Variants in RIMS2 observed in about 807,000 individuals in gnomAD.
RIMS2 encodes regulating synaptic membrane exocytosis 2.
Under a neutral mutation model 174.4 loss-of-function variants are expected in RIMS2, and 59 were observed. That is an observed-to-expected ratio of 0.34 (90% CI 0.27 to 0.42). RIMS2 has a LOEUF of 0.42. RIMS2 is among the 10% of genes least tolerant of loss of function. The probability of loss-of-function intolerance (pLI) is 1.00; values close to 1 mark genes in which losing one functional copy is unlikely to be tolerated. For missense variants in RIMS2, 1,620 were observed against 1,666.3 expected (o/e 0.97, Z 0.48); for synonymous variants, 606 against 572.5 (o/e 1.06, Z -0.84).
chr8:104,017,345 C>G (rs944486058), intron 19 of RIMS2, among the ~76,000 whole-genome samples: 2 of 151,634 alleles, frequency 1.3e-5, no homozygotes, highest in African/African-American at 4.8e-5. Flanking sequence ...AAATCCTTTT[C>G]AACAGCCAAA....
intron 2 of RIMS2, among the ~76,000 whole-genome samples, chr8:103,745,654 A>C (rs1030493683): frequency 2.0e-5 from 3 of 152,190 alleles, no homozygotes; most frequent in Admixed American, 2.0e-4. Flanking sequence ...AAAAAATGAC[A>C]TATATTTCAG....
rs147875066 is a variant in RIMS2 at position 103,556,323 on chromosome 8, T to C, written c.176+55261T>C. On this transcript the variant is annotated intron_variant, in intron 1 of 23. Transcript: ENST00000504942. ...TATACAATTTATACTACTTGTCAATTAAAAAATGAAGATAAAAAATTCCTG... is the reference window on the plus strand; with the variant it reads ...TATACAATTTATACTACTTGTCAATCAAAAAATGAAGATAAAAAATTCCTG... Among the ~76,000 whole-genome samples the C allele has an allele frequency of 2.3e-3, 354 of 152,242 alleles. 2 individuals carry two copies. The highest frequency in any genetic ancestry group is 8.1e-3 in the African/African-American group (336 of 41,552).
chr8:104,252,744 AATAAGT>A (rs1392593557), downstream of RIMS2: 1 of 152,210 alleles, frequency 6.6e-6, no homozygotes, highest in Non-Finnish European at 1.5e-5. Context: ...TTATGTGACA[AATAAGT>A]ATAATATATT....
At chr8:103,621,291 G>A (rs2095628694) in intron 1 of RIMS2, among the ~76,000 whole-genome samples, 1 of 152,190 alleles carries the variant, frequency 6.6e-6, no homozygotes, top group Non-Finnish European at 1.5e-5. Flanking sequence ...AACCTGACGT[G>A]CCCACCCTAC....
intron 15 of RIMS2, among the ~76,000 whole-genome samples, chr8:103,972,540 T>C (rs1178091474): frequency 6.6e-6 from 1 of 152,176 alleles, no homozygotes; most frequent in African/African-American, 2.4e-5. Flanking sequence ...TTGCAATAAT[T>C]TACAAGCGTC....
At chr8:103,703,459 A>G (rs1356544014) in intron 2 of RIMS2, among the ~76,000 whole-genome samples, 1 of 152,066 alleles carries the variant, frequency 6.6e-6, no homozygotes, top group East Asian at 1.9e-4. Flanking sequence ...GCTGGTCTCG[A>G]ACTCCTGACC....
intron 19 of RIMS2, among the ~76,000 whole-genome samples, chr8:104,190,138 CA>C (rs553057062): frequency 2.0e-5 from 3 of 151,908 alleles, no homozygotes; most frequent in Admixed American, 1.3e-4. Flanking sequence ...CTTCTCTCTA[CA>C]AAAAATTAGA....
At chr8:104,069,112 T>C (rs2097153555) in intron 19 of RIMS2, among the ~76,000 whole-genome samples, 1 of 152,216 alleles carries the variant, frequency 6.6e-6, no homozygotes, top group Non-Finnish European at 1.5e-5. Flanking sequence ...CATTCTGTTT[T>C]TCACTTTCAG....
At chr8:104,201,185 T>A (rs1017871675) in intron 19 of RIMS2, among the ~76,000 whole-genome samples, 1 of 152,238 alleles carries the variant, frequency 6.6e-6, no homozygotes, top group East Asian at 1.9e-4. Flanking sequence ...TTTGTGTCTA[T>A]GTGTACTCAA....
intron 1 of RIMS2, among the ~76,000 whole-genome samples, chr8:103,646,313 GT>G (rs147054177): frequency 1.7e-4 from 25 of 151,458 alleles, no homozygotes; most frequent in African/African-American, 6.1e-4. Context: ...TGAGGTAGAA[GT>G]TTTTTTTTAG....
chr8:103,652,068 T>C, intron 1 of RIMS2, 137 bp from the exon 2 acceptor site: 1 of 252,012 alleles, frequency 4.0e-6, no homozygotes, highest in South Asian at 4.8e-5. Flanking sequence ...AAATGTATAA[T>C]TTCAATATAT....
At chr8:103,975,576 A>G (rs561039641) in intron 16 of RIMS2, 70 bp downstream of exon 18, 1 of 1,071,498 alleles carries the variant, frequency 9.3e-7, no homozygotes, top group Non-Finnish European at 1.4e-6. Context: ...GGACAAAACT[A>G]ATAGGATATA....
chr8:103,551,200 A>G (rs1330398643), intron 1 of RIMS2, among the ~76,000 whole-genome samples: 1 of 152,234 alleles, frequency 6.6e-6, no homozygotes, highest in East Asian at 1.9e-4. Context: ...AAAATCCTCA[A>G]TACAATACTG....
chr8:104,177,299 G>A (rs1353687309), intron 19 of RIMS2, among the ~76,000 whole-genome samples: 1 of 151,994 alleles, frequency 6.6e-6, no homozygotes, highest in African/African-American at 2.4e-5. Context: ...GTGTGGTGAT[G>A]GTGCCTTTGT....
chr8:104,179,251 G>A (rs533389488), intron 19 of RIMS2, among the ~76,000 whole-genome samples: 12 of 151,916 alleles, frequency 7.9e-5, no homozygotes, highest in South Asian at 2.1e-4. Context: ...TTCTTATTTC[G>A]AGGACAGCAA....
intron 19 of RIMS2, among the ~76,000 whole-genome samples, chr8:104,057,222 G>A (rs964532831): frequency 4.0e-5 from 6 of 151,392 alleles, no homozygotes; most frequent in African/African-American, 9.7e-5. Flanking sequence ...ACATGCTACC[G>A]CCCCCAGCTA....
intron 14 of RIMS2, among the ~76,000 whole-genome samples, chr8:103,950,011 A>G (rs957400255): frequency 6.6e-6 from 1 of 152,156 alleles, no homozygotes; most frequent in East Asian, 1.9e-4. Flanking sequence ...ATGCAAATAC[A>G]TTTGACAACC....
intron 19 of RIMS2, among the ~76,000 whole-genome samples, chr8:104,089,571 A>G (rs1044145273): frequency 3.3e-5 from 5 of 151,914 alleles, no homozygotes; most frequent in African/African-American, 1.2e-4. Context: ...CAGATTTCTC[A>G]TTTTTAAAAG....
Position 103,887,932 on chromosome 8 carries a change from T to C in RIMS2, c.1624+1709T>C, listed in dbSNP as rs543308857. Reference sequence around the variant, plus strand: ...TAAGTAGTATAAAGATGCAAGCTCTTTGCAGATAATCTCTTGGAGTTAATA... The same window carrying C: ...TAAGTAGTATAAAGATGCAAGCTCTCTGCAGATAATCTCTTGGAGTTAATA... On this transcript the variant is annotated intron_variant, in intron 4 of 23. Coordinates refer to ENST00000504942, the Ensembl canonical transcript of RIMS2. Among the ~76,000 whole-genome samples the C allele has an allele frequency of 4.0e-5, 6 of 151,702 alleles. 1 individual carries two copies. The highest frequency in any genetic ancestry group is 1.4e-4 in the African/African-American group (6 of 41,504).
Sources: gnomAD v4.1 joint callset for allele counts (sites outside exome capture counted in the v4.1 genomes callset) on GRCh38, gnomAD v4.1.1 for gene constraint, MANE v1.5 for transcripts, NCBI Gene and HGNC (gene_info 2026-07-23, HGNC 2026-07-21) for gene names.